THSD7B: variants seen among roughly 807,000 people sequenced by gnomAD.
THSD7B encodes thrombospondin type-1 domain-containing protein 7B.
THSD7B carries 138 observed loss-of-function variants against 213.6 expected under a neutral mutation model. The observed-to-expected ratio is 0.65, with a 90% CI of 0.56 to 0.74. The LOEUF is 0.74. THSD7B is among the 30% of genes least tolerant of loss of function. The pLI, the probability that THSD7B is intolerant of heterozygous loss-of-function variation, is 0.00. For synonymous variants in THSD7B, 742 were observed against 687.0 expected (o/e 1.08, Z -1.25); for missense variants, 1,931 against 1,991.5 (o/e 0.97, Z 0.58).
chr2:136,940,742 A>AT (rs150455072), intron 2 of THSD7B, among the ~76,000 whole-genome samples: 20 of 144,362 alleles, frequency 1.4e-4, no homozygotes, highest in African/African-American at 1.8e-4. Flanking sequence ...ATATATATAT[A>AT]TTTTTTCTTA....
In THSD7B at chr2:136,990,813, G is replaced by A. The variant is rs909308824; in HGVS notation, c.140-65607G>A. Reference sequence around the variant, plus strand: ...TTAGGACACGCCACAGTGCCTGGCCGATGGTGTTTCTTCTGAGTACTGAGC... The same window carrying A: ...TTAGGACACGCCACAGTGCCTGGCCAATGGTGTTTCTTCTGAGTACTGAGC... On this transcript the variant is annotated intron_variant, in intron 2 of 27. Coordinates refer to ENST00000409968, the MANE Select transcript of THSD7B (RefSeq NM_001316349.2). The A allele has an allele frequency of 1.6e-5, 18 of 1,149,772 alleles. No individual in the cohort carries two copies. The African/African-American group carries it at 2.4e-4, about 15-fold the overall frequency. The allele number at this position is 1,149,772 out of a possible 1,614,324, so 71.2% of individuals were successfully genotyped here.
chr2:137,079,491 T>C (rs1687698574), intron 3 of THSD7B, among the ~76,000 whole-genome samples: 1 of 152,206 alleles, frequency 6.6e-6, no homozygotes, highest in Admixed American at 6.5e-5. Context: ...CTTCTAATGC[T>C]TTTTGTCTTG....
chr2:137,228,737 T>C (rs1681572682), intron 7 of THSD7B, among the ~76,000 whole-genome samples: 1 of 152,178 alleles, frequency 6.6e-6, no homozygotes, highest in Admixed American at 6.5e-5. Context: ...ATATTTTGTG[T>C]TTGAATCACG....
intron 2 of THSD7B, among the ~76,000 whole-genome samples, chr2:137,003,070 A>C (rs1686032965): frequency 6.6e-6 from 1 of 152,178 alleles, no homozygotes; most frequent in Admixed American, 6.5e-5. Context: ...AATGTTTGAC[A>C]TATCTCTGGG....
intron 1 of THSD7B, among the ~76,000 whole-genome samples, chr2:136,864,512 T>C (rs1683301765): frequency 1.3e-5 from 2 of 152,242 alleles, no homozygotes; most frequent in South Asian, 4.1e-4. Flanking sequence ...TGAGTTACTT[T>C]TTAAACATAT....
chr2:137,483,544 G>A (rs1174145578), intron 15 of THSD7B, among the ~76,000 whole-genome samples: 1 of 152,164 alleles, frequency 6.6e-6, no homozygotes, highest in Non-Finnish European at 1.5e-5. Flanking sequence ...CACTTACACA[G>A]CACCTACTTC....
chr2:137,522,205 G>A (rs1401145302), intron 15 of THSD7B, among the ~76,000 whole-genome samples: 1 of 152,178 alleles, frequency 6.6e-6, no homozygotes, highest in East Asian at 1.9e-4. Flanking sequence ...TTCTCTCTGT[G>A]TGTAGTCTTA....
In THSD7B at chr2:137,676,770, A is replaced by G; in HGVS notation, c.*165A>G. ...CTCAACTTCATTTGGACATGGAGTCAAGGATTATTAGGTCTGCCATTTTGT... is the reference window on the plus strand; with the variant it reads ...CTCAACTTCATTTGGACATGGAGTCGAGGATTATTAGGTCTGCCATTTTGT... On this transcript the variant is annotated 3_prime_UTR_variant, in exon 28 of 28. Transcript: ENST00000409968. 1.8e-6 allele frequency: 1 copy of G among 564,994 alleles called. No homozygotes were observed. The highest frequency in any genetic ancestry group is 2.8e-6 in the Non-Finnish European group (1 of 357,532). 35.0% of individuals were successfully genotyped at this position (564,994 alleles called of 1,614,324 possible).
chr2:136,801,211 T>C (rs1444796716), intron 1 of THSD7B, among the ~76,000 whole-genome samples: 1 of 152,120 alleles, frequency 6.6e-6, no homozygotes, highest in Admixed American at 6.6e-5. Flanking sequence ...ACACAAATAA[T>C]TTTAGACTAA....
chr2:137,461,629 A>T (rs1344198861), intron 15 of THSD7B, among the ~76,000 whole-genome samples: 1 of 152,040 alleles, frequency 6.6e-6, no homozygotes, highest in Non-Finnish European at 1.5e-5. Flanking sequence ...CAGAAACCTT[A>T]ATTTTCTACC....
intron 14 of THSD7B, among the ~76,000 whole-genome samples, chr2:137,448,538 A>T (rs6754470): frequency 1.3e-5 from 2 of 151,766 alleles, no homozygotes; most frequent in Non-Finnish European, 2.9e-5. Context: ...GGCTGGCCGC[A>T]GTGGCTCACG....
Position 137,094,888 on chromosome 2 carries a change from T to G in THSD7B, c.966T>G (p.Asp322Glu). The G allele has an allele frequency of 1.9e-6, 3 of 1,612,454 alleles. No individual in the cohort carries two copies. The highest frequency in any genetic ancestry group is 2.5e-6 in the Non-Finnish European group (3 of 1,178,848). Residue 322 changes from aspartate (D) to glutamate (E), a missense_variant, in exon 4 of 28, where the codon GAT (aspartate) becomes GAG (glutamate). Physicochemically the swap from Asp to Glu is conservative, Grantham distance 45. Coordinates refer to ENST00000409968, the MANE Select transcript of THSD7B (RefSeq NM_001316349.2). ...TTTTTTTCAGCCTTTGCCTTCAAGATTCCTTCCCATTGACTGTTCAGTCCT... is the reference window on the plus strand; with the variant it reads ...TTTTTTTCAGCCTTTGCCTTCAAGAGTCCTTCCCATTGACTGTTCAGTCCT... ...QNAMLSLCLQ[D>E]SFPLTVQSCI...
At chr2:137,623,762 C>T (rs1682567855) in intron 20 of THSD7B, among the ~76,000 whole-genome samples, 1 of 152,098 alleles carries the variant, frequency 6.6e-6, no homozygotes, top group South Asian at 2.1e-4. Flanking sequence ...CCTAGGAATC[C>T]AACTTACAAG....
intron 17 of THSD7B, among the ~76,000 whole-genome samples, chr2:137,602,187 G>A (rs751468992): frequency 4.6e-5 from 7 of 152,074 alleles, no homozygotes; most frequent in Non-Finnish European, 1.0e-4. Flanking sequence ...TCTGTTTTGT[G>A]GTGTTATAGC....
chr2:137,424,666 G>T (rs948840260), intron 14 of THSD7B, among the ~76,000 whole-genome samples: 1 of 152,080 alleles, frequency 6.6e-6, no homozygotes, highest in African/African-American at 2.4e-5. Flanking sequence ...AAAAATATTT[G>T]ATAAAATTCA....
chr2:137,174,385 G>A (rs556932239), intron 7 of THSD7B, among the ~76,000 whole-genome samples: 19 of 152,254 alleles, frequency 1.2e-4, no homozygotes, highest in South Asian at 8.3e-4. Flanking sequence ...AGTTTGTTTA[G>A]ACCATTAGCT....
intron 2 of THSD7B, among the ~76,000 whole-genome samples, chr2:136,983,670 T>C (rs1280131777): frequency 1.3e-5 from 2 of 152,222 alleles, no homozygotes; most frequent in Non-Finnish European, 2.9e-5. Context: ...AGGTTCTGTA[T>C]AGTACACATG....
chr2:137,102,826 CA>C (rs774879872), intron 4 of THSD7B, among the ~76,000 whole-genome samples: 2 of 151,884 alleles, frequency 1.3e-5, no homozygotes, highest in Non-Finnish European at 2.9e-5. Flanking sequence ...AGCATGAAGA[CA>C]AGATTAGAGA....
intron 7 of THSD7B, among the ~76,000 whole-genome samples, chr2:137,213,264 T>A (rs1376123663): frequency 1.3e-5 from 2 of 150,716 alleles, no homozygotes; most frequent in East Asian, 3.9e-4. Flanking sequence ...ACACATATTC[T>A]ATATATCTGC....
Sources: allele counts gnomAD v4.1 joint callset (sites outside exome capture counted in the v4.1 genomes callset), GRCh38; gene constraint gnomAD v4.1.1; transcripts MANE v1.5; gene names NCBI Gene and HGNC (gene_info 2026-07-23, HGNC 2026-07-21).